The following KIAA0825 variants were observed in gnomAD, a reference collection of about 807,000 sequenced individuals.
KIAA0825 encodes the protein uncharacterized protein KIAA0825.
A neutral mutation model predicts 147.6 loss-of-function variants in KIAA0825; 119 were observed. The ratio of observed to expected loss-of-function variants is 0.81; its 90% CI spans 0.69 to 0.94. The LOEUF (loss-of-function observed/expected upper bound fraction) is 0.94, where lower values mean the gene tolerates loss of function less well. KIAA0825 is among the 40% of genes least tolerant of loss of function. The pLI, the probability that KIAA0825 is intolerant of heterozygous loss-of-function variation, is 0.00. For synonymous variants in KIAA0825, 470 were observed against 518.1 expected, an observed-to-expected ratio of 0.91 and a Z score of 1.26; for missense variants, 1,381 against 1,472.7, an observed-to-expected ratio of 0.94 and a Z score of 1.02.
At chr5:94,423,733 C>T (rs1754494942) in intron 14 of KIAA0825, among the ~76,000 whole-genome samples, 1 of 152,100 alleles carries the variant, frequency 6.6e-6, no homozygotes, top group Admixed American at 6.6e-5. Flanking sequence ...CTGAAAGACT[C>T]ATTTTCAATC....
intron 20 of KIAA0825, among the ~76,000 whole-genome samples, chr5:94,256,531 T>C (rs1776263155): frequency 6.6e-6 from 1 of 152,190 alleles, no homozygotes; most frequent in African/African-American, 2.4e-5. Flanking sequence ...AGCACTCTTA[T>C]GCTGCACAGA....
chr5:94,346,854 C>A (rs559306024), intron 20 of KIAA0825, among the ~76,000 whole-genome samples: 1 of 152,264 alleles, frequency 6.6e-6, no homozygotes, highest in South Asian at 2.1e-4. Flanking sequence ...GTGCGTACTC[C>A]ACAGGTGGGG....
At chr5:94,255,091 C>T (rs1002697885) in intron 20 of KIAA0825, among the ~76,000 whole-genome samples, 10 of 150,736 alleles carry the variant, frequency 6.6e-5, no homozygotes, top group East Asian at 5.8e-4. Flanking sequence ...ACAGTAAGCA[C>T]GAGGACCATG....
intron 20 of KIAA0825, among the ~76,000 whole-genome samples, chr5:94,363,461 T>G (rs369721293): frequency 3.1e-4 from 47 of 152,318 alleles, no homozygotes; most frequent in African/African-American, 9.9e-4. Flanking sequence ...ACAGGACTGA[T>G]GTGTTACCTT....
intron 20 of KIAA0825, among the ~76,000 whole-genome samples, chr5:94,337,319 G>A (rs1781913149): frequency 6.6e-6 from 1 of 152,126 alleles, no homozygotes; most frequent in African/African-American, 2.4e-5. Context: ...CTTGGAACTT[G>A]TGTGAATTTT....
At position 94,490,650 on chromosome 5, in the gene KIAA0825, A is replaced by T. The variant is rs182546483; in HGVS notation, c.971-5720T>A. On this transcript the variant is annotated intron_variant, in intron 5 of 20. Transcript: ENST00000682413. The stretch of plus-strand genomic sequence containing the variant: ...TACAAAACTGTTACCCTACATTTTT[A>T]AAAAAGTCTTCTTCTCTGTCTATAT... Among the ~76,000 whole-genome samples the T allele has an allele frequency of 3.4e-3, 514 of 152,156 alleles. 3 individuals carry two copies. The highest frequency in any genetic ancestry group is 3.6e-3 in the Non-Finnish European group (246 of 67,978).
intron 20 of KIAA0825, among the ~76,000 whole-genome samples, chr5:94,256,243 A>G (rs1215830237): frequency 6.6e-6 from 1 of 152,124 alleles, no homozygotes; most frequent in African/African-American, 2.4e-5. Flanking sequence ...CCACAGATGG[A>G]CCATCAACAA....
chr5:94,188,593 G>C (rs952615931), intron 20 of KIAA0825, among the ~76,000 whole-genome samples: 1 of 151,814 alleles, frequency 6.6e-6, no homozygotes, highest in Non-Finnish European at 1.5e-5. Flanking sequence ...TCACATTTTT[G>C]AGTTATTCAT....
At chr5:94,471,817 A>T in intron 8 of KIAA0825, 86 bp from the exon 9 acceptor site, 15 of 1,215,714 alleles carry the variant, frequency 1.2e-5, no homozygotes, top group African/African-American at 1.5e-5. Context: ...ATTCCTAAAT[A>T]ATGAATTTGG....
At chr5:94,307,473 G>C (rs1778818850) in intron 20 of KIAA0825, among the ~76,000 whole-genome samples, 1 of 151,736 alleles carries the variant, frequency 6.6e-6, no homozygotes, top group African/African-American at 2.4e-5. Context: ...AGTCCTTTCT[G>C]TGGAATATAA....
intron 13 of KIAA0825, among the ~76,000 whole-genome samples, chr5:94,451,797 G>C (rs1758448386): frequency 6.6e-6 from 1 of 152,072 alleles, no homozygotes; most frequent in Non-Finnish European, 1.5e-5. Flanking sequence ...CAGTAAAATA[G>C]GTTAAAGCAA....
rs1302036407 is a variant in KIAA0825 at position 94,410,172 on chromosome 5, G to T, written c.2663-6379C>A. ...ACCTGTAATAAAAATTCACCATATA[G>T]TCTTAATAGTACTTTAGACACTGCA... On this transcript the variant is annotated intron_variant, in intron 15 of 20. Coordinates refer to ENST00000682413, the MANE Select transcript of KIAA0825 (RefSeq NM_001145678.3). Among the ~76,000 whole-genome samples the T allele has an allele frequency of 2.1e-5, 3 of 141,784 alleles. No individual in the cohort carries two copies. In the Admixed American group the frequency reaches 2.1e-4, roughly 10 times the overall value. The allele number at this position is 141,784 out of a possible 152,430, so 93.0% of individuals were successfully genotyped here.
intron 5 of KIAA0825, chr5:94,519,854 G>T: frequency 1.7e-6 from 1 of 586,958 alleles, no homozygotes; most frequent in Non-Finnish European, 2.1e-6. Flanking sequence ...ATATATAACT[G>T]AGTATATGTG....
intron 1 of KIAA0825, among the ~76,000 whole-genome samples, chr5:94,604,886 T>C (rs1787196739): frequency 6.6e-6 from 1 of 150,856 alleles, no homozygotes; most frequent in South Asian, 2.1e-4. Flanking sequence ...AGACAAGAAA[T>C]AACCAAAATA....
rs1014450428 is a variant in KIAA0825 at position 94,489,884 on chromosome 5, T to C, written c.971-4954A>G. On this transcript the variant is annotated intron_variant, in intron 5 of 20. Coordinates refer to ENST00000682413, the MANE Select transcript of KIAA0825 (RefSeq NM_001145678.3). ...CTGAGTGACACAGAGAGAGACTCTGTCTCAAAAAAAAAAAAAAAAAAAGAA... is the reference window on the plus strand; with the variant it reads ...CTGAGTGACACAGAGAGAGACTCTGCCTCAAAAAAAAAAAAAAAAAAAGAA... Among the ~76,000 whole-genome samples the C allele has an allele frequency of 9.1e-5, 12 of 131,330 alleles. No homozygotes were observed. In the East Asian group the frequency reaches 1.9e-3, roughly 21 times the overall value. 86.2% of individuals were successfully genotyped at this position (131,330 alleles called of 152,430 possible).
intron 2 of KIAA0825, among the ~76,000 whole-genome samples, chr5:94,542,085 G>A (rs1436637727): frequency 6.6e-6 from 1 of 152,050 alleles, no homozygotes; most frequent in Non-Finnish European, 1.5e-5. Flanking sequence ...TCTTGTTTTG[G>A]TCCTCTTTAG....
At chr5:94,308,308 C>G (rs947409652) in intron 20 of KIAA0825, among the ~76,000 whole-genome samples, 1 of 151,708 alleles carries the variant, frequency 6.6e-6, no homozygotes, top group Non-Finnish European at 1.5e-5. Context: ...ATTTTCTAAT[C>G]TAAATCAAAT....
intron 13 of KIAA0825, among the ~76,000 whole-genome samples, chr5:94,443,090 T>C (rs1319732769): frequency 6.6e-6 from 1 of 152,148 alleles, no homozygotes; most frequent in Non-Finnish European, 1.5e-5. Context: ...GGAAAGCTGT[T>C]TGTTGACATG....
At chr5:94,489,298 T>A (rs1343092315) in intron 5 of KIAA0825, among the ~76,000 whole-genome samples, 1 of 152,124 alleles carries the variant, frequency 6.6e-6, no homozygotes, top group Non-Finnish European at 1.5e-5. Context: ...TGGTTCAGGA[T>A]CTTCTGTAGC....
Sources: gnomAD v4.1 joint callset for allele counts (sites outside exome capture counted in the v4.1 genomes callset) on GRCh38, gnomAD v4.1.1 for gene constraint, MANE v1.5 for transcripts, NCBI Gene and HGNC (gene_info 2026-07-23, HGNC 2026-07-21) for gene names.